CAMSAP2: variants seen among roughly 807,000 people sequenced by gnomAD.
The protein encoded by CAMSAP2 is calmodulin-regulated spectrin-associated protein 2.
A neutral mutation model predicts 146.1 loss-of-function variants in CAMSAP2; 26 were observed. That is an observed-to-expected ratio of 0.18 (90% CI 0.13 to 0.25). The LOEUF is 0.25. Among genes scored for constraint, CAMSAP2 ranks in the 10% least tolerant of loss-of-function variants. The probability of loss-of-function intolerance (pLI) is 1.00; values close to 1 mark genes in which losing one functional copy is unlikely to be tolerated. For missense variants in CAMSAP2, 1,381 were observed against 1,759.3 expected (o/e 0.78, Z 3.85); for synonymous variants, 499 against 596.6 (o/e 0.84, Z 2.38).
At chr1:200,817,772 A>G (rs756762990) in intron 4 of CAMSAP2, among the ~76,000 whole-genome samples, 4 of 152,234 alleles carry the variant, frequency 2.6e-5, no homozygotes, top group Admixed American at 6.5e-5. Flanking sequence ...TGGGATCACA[A>G]TGCTTTCCCC....
intron 2 of CAMSAP2, among the ~76,000 whole-genome samples, chr1:200,763,142 C>T (rs924351765): frequency 6.6e-6 from 1 of 152,160 alleles, no homozygotes; most frequent in African/African-American, 2.4e-5. Context: ...TCAAGTGATC[C>T]TCCCACCTCA....
chr1:200,772,561 G>A (rs1665147854), intron 2 of CAMSAP2, among the ~76,000 whole-genome samples: 1 of 152,086 alleles, frequency 6.6e-6, no homozygotes, highest in South Asian at 2.1e-4. Flanking sequence ...GTGAGCCAAG[G>A]TCATGCCACT....
At chr1:200,786,445 G>A (rs557702517) in intron 2 of CAMSAP2, among the ~76,000 whole-genome samples, 1 of 150,880 alleles carries the variant, frequency 6.6e-6, no homozygotes, top group Non-Finnish European at 1.5e-5. Context: ...GTGCAGTGGC[G>A]CAATCTCAGC....
At position 200,844,801 on chromosome 1, in the gene CAMSAP2, G is replaced by T; in HGVS notation, c.1041G>T (p.Met347Ile). 1 of 1,589,818 alleles carries T rather than the reference G, an allele frequency of 6.3e-7. No individual in the cohort carries two copies. Among genetic ancestry groups the T allele is most frequent in the Non-Finnish European group, 8.5e-7 (1 of 1,170,890 alleles). ...TTCCAGCTGAACCTGTAAAAGATATGCCTTCAATTCCTGTCTTGAATGCTG... is the reference window on the plus strand; with the variant it reads ...TTCCAGCTGAACCTGTAAAAGATATTCCTTCAATTCCTGTCTTGAATGCTG... Reference protein sequence around the residue: ...RPQGAEPVKDMPSIPVLNAAK... With the variant: ...RPQGAEPVKDIPSIPVLNAAK... The change falls in exon 8 of 17, where the codon ATG becomes ATT. Residue 347 changes from methionine to isoleucine, a missense_variant. Met to Ile is a conservative substitution (Grantham distance 10). Transcript: ENST00000358823.
chr1:200,841,306 G>C (rs1468593034), intron 6 of CAMSAP2, among the ~76,000 whole-genome samples: 2 of 152,190 alleles, frequency 1.3e-5, no homozygotes, highest in Non-Finnish European at 2.9e-5. Context: ...GAGTGCAATG[G>C]CATGATCTTG....
At chr1:200,834,140 G>A (rs1041474668) in intron 6 of CAMSAP2, among the ~76,000 whole-genome samples, 1 of 152,142 alleles carries the variant, frequency 6.6e-6, no homozygotes. Flanking sequence ...GAGGTGGGCA[G>A]ATCACTGAGG....
intron 4 of CAMSAP2, among the ~76,000 whole-genome samples, chr1:200,823,254 A>G (rs1666820998): frequency 6.6e-6 from 1 of 152,326 alleles, no homozygotes; most frequent in African/African-American, 2.4e-5. Flanking sequence ...GCTTATGGAT[A>G]TGTAATGGGT....
At chr1:200,744,912 T>TA (rs1664278545) in intron 1 of CAMSAP2, among the ~76,000 whole-genome samples, 1 of 151,890 alleles carries the variant, frequency 6.6e-6, no homozygotes. Flanking sequence ...CGGACAGAAT[T>TA]ATGTGAAGGG....
chr1:200,821,181 C>CTT (rs1004489840), intron 4 of CAMSAP2, among the ~76,000 whole-genome samples: 1 of 148,002 alleles, frequency 6.8e-6, no homozygotes, highest in African/African-American at 2.5e-5. Context: ...TCTTCTTCTT[C>CTT]TTTTTTTTTT....
intron 4 of CAMSAP2, among the ~76,000 whole-genome samples, chr1:200,825,409 C>T (rs1411009496): frequency 6.6e-6 from 1 of 152,022 alleles, no homozygotes; most frequent in Non-Finnish European, 1.5e-5. Flanking sequence ...CAAAACATAA[C>T]ATATTTATTC....
At chr1:200,836,209 G>A (rs2102225476) in intron 6 of CAMSAP2, among the ~76,000 whole-genome samples, 1 of 152,142 alleles carries the variant, frequency 6.6e-6, no homozygotes, top group East Asian at 1.9e-4. Flanking sequence ...CGTCACCCAG[G>A]TATTAACCTT....
chr1:200,767,785 G>A (rs1304031295), intron 2 of CAMSAP2, among the ~76,000 whole-genome samples: 2 of 152,124 alleles, frequency 1.3e-5, no homozygotes, highest in East Asian at 3.8e-4. Flanking sequence ...CATGCACAGT[G>A]CTAGAACTCA....
Position 200,849,384 on chromosome 1 carries a change from T to C in CAMSAP2, c.2615T>C (p.Leu872Ser). The change falls in exon 11 of 17, where the codon TTA (leucine) becomes TCA (serine). Residue 872 changes from leucine (L) to serine (S), a missense_variant. Leu to Ser is a moderately radical substitution (Grantham distance 145). This residue lies in a region of CAMSAP2 where 560 missense variants were observed against 715.9 expected (regional missense o/e 0.78). Coordinates refer to ENST00000358823, the MANE Select transcript of CAMSAP2 (RefSeq NM_203459.4). The surrounding 1 kb of genome is among the most constrained non-coding windows in gnomAD (Gnocchi z 6.3). Reference protein sequence around the residue: ...WNLASPSEETLNEGEILEYTK... With the variant: ...WNLASPSEETSNEGEILEYTK... ...CTGGCAAGCCCCTCAGAAGAAACTT[T>C]AAATGAAGGAGAGATTTTAGAATAT... 4 of 1,614,082 alleles carry C rather than the reference T, an allele frequency of 2.5e-6. No individual in the cohort carries two copies. The South Asian group carries it at 4.4e-5, about 18-fold the overall frequency.
intron 2 of CAMSAP2, among the ~76,000 whole-genome samples, chr1:200,799,800 G>A (rs993184849): frequency 6.6e-6 from 1 of 152,144 alleles, no homozygotes; most frequent in South Asian, 2.1e-4. Flanking sequence ...GCTTTCTCTT[G>A]TGGGTATTTA....
At chr1:200,817,137 T>C (rs1666588868) in intron 4 of CAMSAP2, among the ~76,000 whole-genome samples, 1 of 133,922 alleles carries the variant, frequency 7.5e-6, no homozygotes, top group Non-Finnish European at 1.6e-5. Flanking sequence ...TATATATGTG[T>C]ATATATACAC....
intron 1 of CAMSAP2, among the ~76,000 whole-genome samples, chr1:200,743,676 C>A (rs959234076): frequency 6.6e-6 from 1 of 151,762 alleles, no homozygotes; most frequent in African/African-American, 2.4e-5. Context: ...CATGGTGGCT[C>A]ATGCCTGTAA....
intron 9 of CAMSAP2, 115 bp downstream of exon 9, chr1:200,847,407 G>A (rs1667487071): frequency 7.6e-6 from 6 of 785,130 alleles, no homozygotes; most frequent in Non-Finnish European, 1.2e-5. Flanking sequence ...GTGTGTGTGT[G>A]TGTTTTTTTG....
chr1:200,795,767 C>T (rs1337784148), intron 2 of CAMSAP2, among the ~76,000 whole-genome samples: 3 of 152,124 alleles, frequency 2.0e-5, no homozygotes, highest in African/African-American at 7.2e-5. Context: ...AAGATGTAAA[C>T]CAGATACTCA....
At chr1:200,819,897 C>G (rs1443002518) in intron 4 of CAMSAP2, among the ~76,000 whole-genome samples, 2 of 151,840 alleles carry the variant, frequency 1.3e-5, no homozygotes, top group African/African-American at 2.4e-5. Flanking sequence ...GATACTAGGT[C>G]ATAAGGAACA....
Sources: allele counts gnomAD v4.1 joint callset (sites outside exome capture counted in the v4.1 genomes callset), GRCh38; gene constraint gnomAD v4.1.1; regional missense constraint gnomAD v4.1.1; non-coding constraint Gnocchi (gnomAD v3.1); transcripts MANE v1.5; gene names NCBI Gene and HGNC (gene_info 2026-07-23, HGNC 2026-07-21).